Variants in MDGA2 observed in about 807,000 individuals in gnomAD.
MDGA2 encodes MAM domain-containing glycosylphosphatidylinositol anchor protein 2.
A neutral mutation model predicts 117.8 loss-of-function variants in MDGA2; 40 were observed. The observed-to-expected ratio is 0.34, with a 90% CI of 0.26 to 0.44. MDGA2 has a LOEUF of 0.44. Among genes scored for constraint, MDGA2 ranks in the 20% least tolerant of loss-of-function variants. The pLI is 1.00. For synonymous variants in MDGA2, 452 were observed against 439.0 expected (o/e 1.03, Z -0.37); for missense variants, 1,123 against 1,250.6 (o/e 0.90, Z 1.54).
intron 1 of MDGA2, among the ~76,000 whole-genome samples, chr14:47,442,171 C>G (rs988602314): frequency 4.6e-5 from 7 of 151,944 alleles, no homozygotes; most frequent in African/African-American, 1.5e-4. Context: ...ACTTTGAGTT[C>G]TTGTTTTGTG....
At chr14:47,612,017 T>A (rs1401838482) in intron 1 of MDGA2, among the ~76,000 whole-genome samples, 1 of 152,132 alleles carries the variant, frequency 6.6e-6, no homozygotes, top group Admixed American at 6.5e-5. Context: ...ATCACAAGTT[T>A]AAAAAATTAT....
At chr14:46,958,906 G>T (rs1885671326) in intron 8 of MDGA2, among the ~76,000 whole-genome samples, 1 of 152,154 alleles carries the variant, frequency 6.6e-6, no homozygotes. Flanking sequence ...CACTAAGAAG[G>T]AATAGTCTGC....
At chr14:47,165,612 A>T (rs1198318366) in intron 3 of MDGA2, among the ~76,000 whole-genome samples, 1 of 152,152 alleles carries the variant, frequency 6.6e-6, no homozygotes, top group Admixed American at 6.5e-5. Context: ...AAGGACCCTC[A>T]ATTGCTTCCA....
In MDGA2 at chr14:47,131,783, T is replaced by C. The variant is rs778159569; in HGVS notation, c.856A>G (p.Ile286Val). Reference sequence around the variant, plus strand: ...TTACATACATTCCTCACTGAAGCAATGCAGCTATAATTAGCATAGTCCTGA... The same window carrying C: ...TTACATACATTCCTCACTGAAGCAACGCAGCTATAATTAGCATAGTCCTGA... ...RPQDYANYSC[I>V]ASVRNVCNIP... Residue 286 changes from isoleucine (I) to valine (V), a missense_variant, in exon 5 of 17, where the codon ATT (isoleucine) becomes GTT (valine). Ile to Val is a conservative substitution (Grantham distance 29). Transcript: ENST00000399232. 3 of 1,595,870 alleles carry C rather than the reference T, an allele frequency of 1.9e-6. No homozygotes were observed. Among genetic ancestry groups the C allele is most frequent in the Middle Eastern group, 1.7e-4 (1 of 6,000 alleles).
chr14:47,600,288 A>G (rs568340537), intron 1 of MDGA2, among the ~76,000 whole-genome samples: 2 of 151,542 alleles, frequency 1.3e-5, no homozygotes, highest in East Asian at 2.0e-4. Flanking sequence ...TTTTTTGGGG[A>G]TTGCAGGTGG....
At chr14:47,602,089 C>A (rs1005211150) in intron 1 of MDGA2, among the ~76,000 whole-genome samples, 1 of 152,108 alleles carries the variant, frequency 6.6e-6, no homozygotes, top group Non-Finnish European at 1.5e-5. Context: ...AAGCTCCTCT[C>A]GGGACTGAAA....
At chr14:46,957,693 C>A in intron 8 of MDGA2, 50 bp from the exon 9 acceptor site, 1 of 1,598,428 alleles carries the variant, frequency 6.3e-7, no homozygotes, top group Non-Finnish European at 8.5e-7. Context: ...TTGCAATAAG[C>A]CAAAAGCTAC....
intron 1 of MDGA2, among the ~76,000 whole-genome samples, chr14:47,421,882 A>G (rs1343633052): frequency 6.6e-6 from 1 of 152,130 alleles, no homozygotes; most frequent in Non-Finnish European, 1.5e-5. Context: ...TTGGTGTTAG[A>G]TCATCTGCTA....
chr14:47,416,253 C>G (rs190095073), intron 1 of MDGA2, among the ~76,000 whole-genome samples: 1 of 151,792 alleles, frequency 6.6e-6, no homozygotes, highest in African/African-American at 2.4e-5. Context: ...TTCCATGATA[C>G]AACAGTGAAA....
intron 1 of MDGA2, among the ~76,000 whole-genome samples, chr14:47,339,563 T>C (rs1445598078): frequency 6.6e-6 from 1 of 151,998 alleles, no homozygotes; most frequent in Admixed American, 6.6e-5. Flanking sequence ...AATCTGGTTG[T>C]TATAATAAAA....
In MDGA2 at chr14:46,914,108, G is replaced by A. The variant is rs115221012; in HGVS notation, c.2238+5904C>T. On this transcript the variant is annotated intron_variant, in intron 10 of 16. Transcript: ENST00000399232. The stretch of plus-strand genomic sequence containing the variant: ...GTGTATTATTTAAAACTGTAATTGT[G>A]TACATTTCAAATGAAGTAAAATGAT... Among the ~76,000 whole-genome samples the A allele has an allele frequency of 4.4e-3, 669 of 152,166 alleles. 2 individuals are homozygous for A. Among genetic ancestry groups the A allele is most frequent in the African/African-American group, 0.015 (625 of 41,570 alleles).
chr14:46,844,338 G>A (rs2933211), intron 16 of MDGA2, among the ~76,000 whole-genome samples: 74,075 of 151,882 alleles, frequency 0.49, 19,076 homozygotes, highest in East Asian at 0.73. Flanking sequence ...CCAGCAGTTT[G>A]GGAGGCCGAG....
In MDGA2 at chr14:47,267,007, T is replaced by C. The variant is rs1320888094; in HGVS notation, c.420+34404A>G. ...TTGTCTATATACCTAACTTTGAATA[T>C]AGTGGCTTACATGGTAATGGTAATC... On this transcript the variant is annotated intron_variant, in intron 2 of 16. Transcript: ENST00000399232. 2.6e-5 allele frequency among the ~76,000 whole-genome samples: 4 copies of C among 152,298 alleles called. No individual in the cohort carries two copies. The East Asian group carries it at 7.7e-4, about 29-fold the overall frequency.
chr14:47,220,950 A>T (rs1232696380), intron 2 of MDGA2, among the ~76,000 whole-genome samples: 1 of 152,206 alleles, frequency 6.6e-6, no homozygotes, highest in Non-Finnish European at 1.5e-5. Context: ...CCCATGATGA[A>T]AATATTTGAA....
intron 8 of MDGA2, among the ~76,000 whole-genome samples, chr14:46,976,369 A>T (rs1886458931): frequency 6.6e-6 from 1 of 152,092 alleles, no homozygotes; most frequent in African/African-American, 2.4e-5. Flanking sequence ...ATTACTGTAA[A>T]GTTTAAAAAA....
At chr14:47,384,441 C>T (rs1891712560) in intron 1 of MDGA2, among the ~76,000 whole-genome samples, 1 of 151,804 alleles carries the variant, frequency 6.6e-6, no homozygotes, top group African/African-American at 2.4e-5. Context: ...AGCAGTTTTC[C>T]AGGATCATTC....
chr14:46,995,958 T>C (rs748351033), intron 8 of MDGA2, among the ~76,000 whole-genome samples: 12 of 151,996 alleles, frequency 7.9e-5, no homozygotes, highest in Non-Finnish European at 1.5e-4. Flanking sequence ...CCGCATTTCA[T>C]TTTTTACATT....
intron 2 of MDGA2, among the ~76,000 whole-genome samples, chr14:47,272,499 C>T (rs1888177954): frequency 1.3e-5 from 2 of 152,246 alleles, no homozygotes; most frequent in Admixed American, 6.5e-5. Context: ...TCTCACCTAT[C>T]CTCTGCCCTT....
rs574824083 is a variant in MDGA2, at chr14:46,901,074, G to T, written c.2239-18853C>A. Among the ~76,000 whole-genome samples the T allele has an allele frequency of 4.6e-5, 7 of 151,392 alleles. No homozygotes were observed. The East Asian group carries it at 1.4e-3, about 30-fold the overall frequency. On this transcript the variant is annotated intron_variant, in intron 10 of 16. Coordinates refer to ENST00000399232, the MANE Select transcript of MDGA2 (RefSeq NM_001113498.3). ...GCTTTTAAAGTACTGAAGGGGATAT[G>T]TAAGGGTGAGAAAAAGATACACAAA... is the stretch of plus-strand genomic sequence containing the variant.
Sources: gnomAD v4.1 joint callset for allele counts (sites outside exome capture counted in the v4.1 genomes callset) on GRCh38, gnomAD v4.1.1 for gene constraint, MANE v1.5 for transcripts, NCBI Gene and HGNC (gene_info 2026-07-23, HGNC 2026-07-21) for gene names.